Variants in GPAM observed in about 807,000 individuals in gnomAD.
GPAM encodes glycerol-3-phosphate acyltransferase, mitochondrial.
In GPAM, 56 loss-of-function variants were observed where a neutral mutation model predicts 105.0. The ratio of observed to expected loss-of-function variants is 0.53; its 90% CI spans 0.43 to 0.67. The LOEUF is 0.67. Among genes scored for constraint, GPAM ranks in the 30% least tolerant of loss-of-function variants. The pLI is 0.00. For missense variants in GPAM, 855 were observed against 989.8 expected (o/e 0.86, Z 1.83); for synonymous variants, 368 against 354.4 (o/e 1.04, Z -0.43).
At chr10:112,172,912 C>T in intron 8 of GPAM, 58 bp downstream of exon 8, 1 of 941,914 alleles carries the variant, frequency 1.1e-6, no homozygotes, top group Non-Finnish European at 1.8e-6. Context: ...CACAAGAACC[C>T]TAAAACCACT....
rs186040403 is a variant in GPAM, at chr10:112,189,987, T to C, written n.211-7096A>G. ...AAGCCCAGTTTATTTAAACAATTAA[T>C]CAAAAACTTTTTTACTGCCTACCTA... On this transcript the variant is annotated intron_variant and non_coding_transcript_variant, in intron 1 of 3. Transcript: ENST00000480130. 3.9e-4 allele frequency among the ~76,000 whole-genome samples: 60 copies of C among 152,304 alleles called. 1 individual carries two copies. The highest frequency in any genetic ancestry group is 2.9e-3 in the Admixed American group (44 of 15,300).
chr10:112,202,791 A>G (rs1008014324), intron 1 of GPAM, among the ~76,000 whole-genome samples: 4 of 152,328 alleles, frequency 2.6e-5, no homozygotes, highest in Admixed American at 1.3e-4. Context: ...GTCACTGGCC[A>G]GGGGTAAAAG....
upstream of GPAM, among the ~76,000 whole-genome samples, chr10:112,186,311 T>A (rs143267759): frequency 3.8e-3 from 582 of 151,620 alleles, 4 homozygotes; most frequent in African/African-American, 0.013. Context: ...TTATATATTT[T>A]TATATATATC....
intron 21 of GPAM, 60 bp from the exon 22 acceptor site, chr10:112,153,726 T>C (rs1846962645): frequency 6.3e-7 from 1 of 1,576,550 alleles, no homozygotes; most frequent in East Asian, 2.3e-5. Flanking sequence ...AAAATTTCCA[T>C]TACCAACCTG....
At chr10:112,180,653 T>C in intron 3 of GPAM, 58 bp from the exon 4 acceptor site, 7 of 1,470,642 alleles carry the variant, frequency 4.8e-6, no homozygotes, top group South Asian at 4.6e-5. Flanking sequence ...ACTTGTCTAC[T>C]TGATCTCAAA....
At chr10:112,194,436 G>A (rs974552474) in intron 1 of GPAM, among the ~76,000 whole-genome samples, 7 of 152,202 alleles carry the variant, frequency 4.6e-5, no homozygotes, top group Admixed American at 2.6e-4. Context: ...GCATCTCTGC[G>A]GACACTATGT....
rs569201979 is a variant in GPAM, at chr10:112,150,358, C to A, written c.*3192G>T. 2.6e-4 allele frequency: 258 copies of A among 984,848 alleles called. 5 individuals are homozygous for A. In the South Asian group the frequency reaches 0.011, roughly 41 times the overall value. The allele number at this position is 984,848 out of a possible 1,614,324, so 61.0% of individuals were successfully genotyped here. ...CCCAATTCATCCATGTATTCTGATACGTTCAGTGAAAAAGCCAGGATCATT... is the reference window on the plus strand; with the variant it reads ...CCCAATTCATCCATGTATTCTGATAAGTTCAGTGAAAAAGCCAGGATCATT... On this transcript the variant is annotated 3_prime_UTR_variant, in exon 22 of 22. Transcript: ENST00000348367.
chr10:112,181,889 A>G (rs1847515569), intron 2 of GPAM, 76 bp from the exon 3 acceptor site: 5 of 721,814 alleles, frequency 6.9e-6, no homozygotes, highest in Non-Finnish European at 1.0e-5. Context: ...TCTGATTTCT[A>G]CATTACTTTG....
chr10:112,185,557 AACACACACACACAGAC>A (rs1032807100), upstream of GPAM, among the ~76,000 whole-genome samples: 6 of 139,074 alleles, frequency 4.3e-5, no homozygotes, highest in East Asian at 2.1e-4. Context: ...TTAACACCCT[AACACACACACACAGAC>A]ACACACACAC....
intron 10 of GPAM, 29 bp from the exon 11 acceptor site, chr10:112,168,553 C>A: frequency 1.5e-6 from 2 of 1,368,804 alleles, no homozygotes; most frequent in South Asian, 1.2e-5. Context: ...GTAAAACATA[C>A]ATTCAAGACC....
At chr10:112,204,586 A>C (rs888998044) in intron 1 of GPAM, among the ~76,000 whole-genome samples, 6 of 151,368 alleles carry the variant, frequency 4.0e-5, no homozygotes, top group Non-Finnish European at 8.8e-5. Context: ...CAACAGTGTG[A>C]AAATCTGATG....
intron 4 of GPAM, 74 bp downstream of exon 4, chr10:112,180,399 A>T: frequency 7.0e-7 from 1 of 1,427,558 alleles, no homozygotes; most frequent in South Asian, 1.1e-5. Flanking sequence ...TTAGTCCAAT[A>T]AGACTGCCTA....
chr10:112,211,065 G>C (rs1195820008), intron 1 of GPAM, among the ~76,000 whole-genome samples: 1 of 152,236 alleles, frequency 6.6e-6, no homozygotes, highest in East Asian at 1.9e-4. Flanking sequence ...GGGTCTACAG[G>C]AAGGATGTAG....
chr10:112,166,824 A>G (rs1847226353), intron 11 of GPAM, among the ~76,000 whole-genome samples: 1 of 152,196 alleles, frequency 6.6e-6, no homozygotes, highest in East Asian at 1.9e-4. Flanking sequence ...GAAGGAAAAA[A>G]TGACATAGCC....
intron 1 of GPAM, among the ~76,000 whole-genome samples, chr10:112,210,617 CA>C (rs1379961639): frequency 6.6e-6 from 1 of 152,350 alleles, no homozygotes; most frequent in East Asian, 1.9e-4. Context: ...CAGCCCCCCT[CA>C]ACCCCACCCA....
chr10:112,217,784 C>A (rs867724956), upstream of GPAM, among the ~76,000 whole-genome samples: 34 of 152,152 alleles, frequency 2.2e-4, no homozygotes, highest in African/African-American at 7.7e-4. Flanking sequence ...AGTAACTTGC[C>A]AAAATCTACC....
At chr10:112,220,992 CTG>C in the GPAM span, among the ~76,000 whole-genome samples, 1 of 152,052 alleles carries the variant, frequency 6.6e-6, no homozygotes, top group African/African-American at 2.4e-5. Context: ...GTAGTGGGGA[CTG>C]GGGTCAAGTG....
chr10:112,223,357 C>T, the GPAM span, among the ~76,000 whole-genome samples: 1 of 152,186 alleles, frequency 6.6e-6, no homozygotes, highest in Non-Finnish European at 1.5e-5. Flanking sequence ...TTCCAAGCTC[C>T]CTGTCTTGCA....
intron 1 of GPAM, among the ~76,000 whole-genome samples, chr10:112,200,478 G>C (rs1239019976): frequency 6.6e-6 from 1 of 151,930 alleles, no homozygotes; most frequent in Non-Finnish European, 1.5e-5. Context: ...TTTTTGTAGA[G>C]ACAGTGTCTC....
Sources: allele counts gnomAD v4.1 joint callset (sites outside exome capture counted in the v4.1 genomes callset), GRCh38; gene constraint gnomAD v4.1.1; transcripts MANE v1.5; gene names NCBI Gene and HGNC (gene_info 2026-07-23, HGNC 2026-07-21).